CATSPERE: variants seen among roughly 807,000 people sequenced by gnomAD.
CATSPERE encodes the protein catsper channel auxiliary subunit epsilon, also known as cation channel sperm-associated auxiliary subunit epsilon.
A neutral mutation model predicts 114.1 loss-of-function variants in CATSPERE; 93 were observed. The ratio of observed to expected loss-of-function variants is 0.81; its 90% CI spans 0.69 to 0.97. CATSPERE has a LOEUF of 0.97. CATSPERE is among the 50% of genes least tolerant of loss of function. The pLI, the probability that CATSPERE is intolerant of heterozygous loss-of-function variation, is 0.00. For missense variants in CATSPERE, 1,058 were observed against 1,131.6 expected (o/e 0.93, Z 0.93); for synonymous variants, 341 against 384.1 (o/e 0.89, Z 1.31).
At chr1:244,515,725 A>T (rs1676502019) in intron 7 of CATSPERE, among the ~76,000 whole-genome samples, 2 of 152,212 alleles carry the variant, frequency 1.3e-5, no homozygotes, top group Non-Finnish European at 1.5e-5. Flanking sequence ...GCTGCTAAAA[A>T]ATCAGGTAAG....
intron 8 of CATSPERE, among the ~76,000 whole-genome samples, chr1:244,523,755 A>G (rs1353644873): frequency 7.2e-6 from 1 of 139,794 alleles, no homozygotes; most frequent in Non-Finnish European, 1.5e-5. Flanking sequence ...AAAGAGAATA[A>G]AATACCTAGG....
intron 10 of CATSPERE, among the ~76,000 whole-genome samples, chr1:244,569,700 A>G (rs1174157567): frequency 6.6e-6 from 1 of 152,206 alleles, no homozygotes; most frequent in Non-Finnish European, 1.5e-5. Context: ...AGAGTTAGGA[A>G]TCTAATGGTA....
chr1:244,581,598 G>A lies in CATSPERE; in HGVS notation c.1951-198G>A, dbSNP rs149085858. On this transcript the variant is annotated intron_variant, in intron 11 of 21. Coordinates refer to ENST00000366534, the MANE Select transcript of CATSPERE (RefSeq NM_001130957.2). ...TACATTAATATTTTATTATATTTGC[G>A]TACTTGCTTTATTACGTATCTATGC... Among the ~76,000 whole-genome samples the A allele has an allele frequency of 5.7e-4, 86 of 152,080 alleles. 2 individuals are homozygous for A. The East Asian group carries it at 0.014, about 25-fold the overall frequency.
At chr1:244,557,038 A>G (rs2148515948) in intron 9 of CATSPERE, among the ~76,000 whole-genome samples, 1 of 152,212 alleles carries the variant, frequency 6.6e-6, no homozygotes, top group African/African-American at 2.4e-5. Context: ...CTATATATGC[A>G]TGGGTTTACT....
At chr1:244,496,600 T>G (rs1673136649) in intron 6 of CATSPERE, among the ~76,000 whole-genome samples, 1 of 152,152 alleles carries the variant, frequency 6.6e-6, no homozygotes, top group Non-Finnish European at 1.5e-5. Context: ...ACTTCAGAAC[T>G]CTCCTGAAGG....
chr1:244,463,395 C>T (rs375976363), intron 1 of CATSPERE, among the ~76,000 whole-genome samples: 18 of 152,100 alleles, frequency 1.2e-4, no homozygotes, highest in African/African-American at 4.3e-4. Flanking sequence ...CAAAAATTAG[C>T]TGGGCGTGGT....
At chr1:244,480,047 A>G (rs1321196714) in intron 5 of CATSPERE, among the ~76,000 whole-genome samples, 1 of 152,230 alleles carries the variant, frequency 6.6e-6, no homozygotes, top group Non-Finnish European at 1.5e-5. Context: ...AACCACACAA[A>G]TGTAAGTCTT....
intron 9 of CATSPERE, among the ~76,000 whole-genome samples, chr1:244,555,833 C>T (rs1661492320): frequency 6.6e-6 from 1 of 152,060 alleles, no homozygotes; most frequent in Non-Finnish European, 1.5e-5. Flanking sequence ...ATTTACAATA[C>T]CTACCAAAAA....
chr1:244,605,011 T>C (rs756675983), intron 17 of CATSPERE, among the ~76,000 whole-genome samples: 11 of 152,162 alleles, frequency 7.2e-5, no homozygotes, highest in Non-Finnish European at 5.9e-5. Context: ...GAGCATGGGC[T>C]AGGTGTGACT....
At chr1:244,601,681 C>T (rs969053103) in intron 17 of CATSPERE, among the ~76,000 whole-genome samples, 3 of 152,088 alleles carry the variant, frequency 2.0e-5, no homozygotes, top group African/African-American at 7.2e-5. Context: ...GGGCCGGGCG[C>T]GGTGGCTCCA....
intron 7 of CATSPERE, among the ~76,000 whole-genome samples, chr1:244,499,458 G>T (rs1673662639): frequency 6.6e-6 from 1 of 151,894 alleles, no homozygotes; most frequent in Non-Finnish European, 1.5e-5. Flanking sequence ...AGCCCTGTAT[G>T]CATTAGGTAT....
intron 9 of CATSPERE, among the ~76,000 whole-genome samples, chr1:244,553,895 A>T: frequency 6.6e-6 from 1 of 152,050 alleles, no homozygotes; most frequent in Admixed American, 6.6e-5. Context: ...CATGGTTTTT[A>T]CCTTCCACAT....
intron 17 of CATSPERE, among the ~76,000 whole-genome samples, chr1:244,601,359 A>C (rs948040176): frequency 6.6e-6 from 1 of 152,254 alleles, no homozygotes; most frequent in Non-Finnish European, 1.5e-5. Context: ...AAGAGAGGCA[A>C]CATTCAATGA....
At chr1:244,455,432 C>G (rs1666057649) in intron 1 of CATSPERE, among the ~76,000 whole-genome samples, 1 of 151,722 alleles carries the variant, frequency 6.6e-6, no homozygotes, top group African/African-American at 2.4e-5. Context: ...GGGAAGTTAC[C>G]TGTGGTAGAA....
intron 21 of CATSPERE, among the ~76,000 whole-genome samples, chr1:244,637,089 G>A (rs1306944829): frequency 6.6e-6 from 1 of 152,008 alleles, no homozygotes; most frequent in Non-Finnish European, 1.5e-5. Context: ...CTGGCCTCTC[G>A]AGTGGTGCTC....
At chr1:244,511,079 G>A (rs1380950311) in intron 7 of CATSPERE, among the ~76,000 whole-genome samples, 3 of 151,946 alleles carry the variant, frequency 2.0e-5, no homozygotes, top group African/African-American at 7.2e-5. Context: ...CTGACCTCAG[G>A]TGATCCACCC....
chr1:244,591,280 C>T (rs921276705), intron 14 of CATSPERE, among the ~76,000 whole-genome samples: 2 of 148,944 alleles, frequency 1.3e-5, no homozygotes, highest in Admixed American at 6.6e-5. Flanking sequence ...CACTTCACAT[C>T]TACTCTCTTT....
chr1:244,628,311 T>G, intron 20 of CATSPERE, among the ~76,000 whole-genome samples: 1 of 152,112 alleles, frequency 6.6e-6, no homozygotes, highest in East Asian at 1.9e-4. Context: ...GCATGGTATT[T>G]TGTAGTGGTG....
rs773558733 is a variant in CATSPERE at position 244,552,171 on chromosome 1, A to G, written c.537-151A>G. On this transcript the variant is annotated intron_variant, in intron 8 of 21. Transcript: ENST00000366534. The stretch of plus-strand genomic sequence containing the variant: ...TTTGGGACCAGAGTGAAGAATGACA[A>G]TGTGGCAGTGGTTGCATTTTAATAT... 20 of 874,702 alleles carry G rather than the reference A, an allele frequency of 2.3e-5. 1 individual carries two copies. Among genetic ancestry groups the G allele is most frequent in the South Asian group, 5.2e-5 (2 of 38,428 alleles). 54.2% of individuals were successfully genotyped at this position (874,702 alleles called of 1,614,324 possible).
Sources: allele counts gnomAD v4.1 joint callset (sites outside exome capture counted in the v4.1 genomes callset), GRCh38; gene constraint gnomAD v4.1.1; transcripts MANE v1.5; gene names NCBI Gene and HGNC (gene_info 2026-07-23, HGNC 2026-07-21).